The following TMEM132D variants were observed in gnomAD, a reference collection of about 807,000 sequenced individuals.
TMEM132D encodes the protein transmembrane protein 132D.
Under a neutral mutation model 62.3 loss-of-function variants are expected in TMEM132D, and 21 were observed. The observed-to-expected ratio is 0.34, with a 90% confidence interval of 0.24 to 0.49. The LOEUF (loss-of-function observed/expected upper bound fraction) is 0.49, where lower values mean the gene tolerates loss of function less well. Among genes scored for constraint, TMEM132D ranks in the 20% least tolerant of loss-of-function variants. The pLI, the probability that TMEM132D is intolerant of heterozygous loss-of-function variation, is 0.99. For synonymous variants in TMEM132D, 621 were observed against 575.6 expected (o/e 1.08, Z -1.13); for missense variants, 1,346 against 1,402.8 (o/e 0.96, Z 0.65).
intron 1 of TMEM132D, among the ~76,000 whole-genome samples, chr12:129,822,018 C>A (rs1872552206): frequency 6.6e-6 from 1 of 152,152 alleles, no homozygotes; most frequent in Admixed American, 6.5e-5. Flanking sequence ...CAGACGTGAT[C>A]TTTGTACTCA....
At chr12:129,102,233 G>A (rs1443034327) in intron 5 of TMEM132D, among the ~76,000 whole-genome samples, 4 of 152,292 alleles carry the variant, frequency 2.6e-5, no homozygotes, top group African/African-American at 7.2e-5. Flanking sequence ...TGAGTCTTGC[G>A]TACGCAGAGA....
intron 2 of TMEM132D, among the ~76,000 whole-genome samples, chr12:129,622,666 G>A (rs999632600): frequency 2.0e-5 from 3 of 152,194 alleles, no homozygotes; most frequent in Non-Finnish European, 1.5e-5. Context: ...TTTCTGCAGT[G>A]CAGACATGCT....
chr12:129,702,886 C>A (rs1046475166), intron 1 of TMEM132D, among the ~76,000 whole-genome samples: 2 of 152,218 alleles, frequency 1.3e-5, no homozygotes, highest in Non-Finnish European at 2.9e-5. Flanking sequence ...GGATGTTATT[C>A]ACTGTCCTCT....
chr12:129,773,253 G>A (rs1293050100), intron 1 of TMEM132D, among the ~76,000 whole-genome samples: 1 of 152,222 alleles, frequency 6.6e-6, no homozygotes, highest in South Asian at 2.1e-4. Flanking sequence ...CTTCAGGTGC[G>A]AGGGCGGCGG....
intron 1 of TMEM132D, chr12:129,852,776 T>A (rs930692750): frequency 2.0e-5 from 3 of 152,122 alleles, no homozygotes; most frequent in Non-Finnish European, 4.4e-5. Context: ...TACAAGGGAA[T>A]GCTTTATCAT....
intron 2 of TMEM132D, among the ~76,000 whole-genome samples, chr12:129,649,555 C>A (rs143939199): frequency 7.2e-5 from 11 of 152,214 alleles, no homozygotes; most frequent in African/African-American, 2.6e-4. Context: ...CCAGTAAATT[C>A]TTAACTCTCA....
intron 2 of TMEM132D, among the ~76,000 whole-genome samples, chr12:129,639,932 A>C (rs2137174018): frequency 6.6e-6 from 1 of 152,298 alleles, no homozygotes; most frequent in South Asian, 2.1e-4. Flanking sequence ...GTCCATAATA[A>C]AGAAAAGGTG....
At chr12:129,473,797 T>C (rs1874174851) in intron 3 of TMEM132D, among the ~76,000 whole-genome samples, 1 of 152,252 alleles carries the variant, frequency 6.6e-6, no homozygotes, top group African/African-American at 2.4e-5. Flanking sequence ...GAACTGAACC[T>C]GCAGTATCTC....
At chr12:129,781,078 T>C (rs1292382228) in intron 1 of TMEM132D, among the ~76,000 whole-genome samples, 2 of 152,250 alleles carry the variant, frequency 1.3e-5, no homozygotes, top group African/African-American at 4.8e-5. Context: ...CAAGGAGTTA[T>C]GCCATCAAAA....
Position 129,513,477 on chromosome 12 carries a change from A to G in TMEM132D, c.1115+17582T>C, listed in dbSNP as rs148307478. Among the ~76,000 whole-genome samples, 5 of 151,310 alleles carry G rather than the reference A, an allele frequency of 3.3e-5. No individual in the cohort carries two copies. The East Asian group carries it at 9.8e-4, about 30-fold the overall frequency. The stretch of plus-strand genomic sequence containing the variant: ...TTCACGTAGTGGGAAAAAAACAAAA[A>G]CAGGTTTGTTTGTTTGTTTGTTTTT... On this transcript the variant is annotated intron_variant, in intron 3 of 8. Coordinates refer to ENST00000422113, the MANE Select transcript of TMEM132D (RefSeq NM_133448.3).
intron 3 of TMEM132D, among the ~76,000 whole-genome samples, chr12:129,357,756 G>C (rs1190216915): frequency 2.0e-5 from 3 of 152,158 alleles, no homozygotes; most frequent in Non-Finnish European, 4.4e-5. Context: ...CTCCACTTTG[G>C]AAGAATTTTC....
intron 1 of TMEM132D, among the ~76,000 whole-genome samples, chr12:129,821,009 T>A (rs1872528564): frequency 1.3e-5 from 2 of 152,222 alleles, no homozygotes; most frequent in Admixed American, 1.3e-4. Flanking sequence ...CTCAACCACC[T>A]CTCTTCATTT....
chr12:129,532,532 A>C (rs1166293226), intron 2 of TMEM132D, among the ~76,000 whole-genome samples: 5 of 152,148 alleles, frequency 3.3e-5, no homozygotes, highest in Non-Finnish European at 7.4e-5. Flanking sequence ...ACAATTTTAA[A>C]ATGTAGTGTG....
At chr12:129,473,318 GTTTTTGTTTT>G (rs1183802180) in intron 3 of TMEM132D, among the ~76,000 whole-genome samples, 26 of 57,758 alleles carry the variant, frequency 4.5e-4, no homozygotes, top group Non-Finnish European at 7.4e-4. Flanking sequence ...AGTGATTTTA[GTTTTTGTTTT>G]TTTTTTTTTT....
At chr12:129,440,172 A>T (rs1872901023) in intron 3 of TMEM132D, among the ~76,000 whole-genome samples, 1 of 152,248 alleles carries the variant, frequency 6.6e-6, no homozygotes, top group Non-Finnish European at 1.5e-5. Flanking sequence ...ACAGGAAACA[A>T]AATGCTCCTG....
chr12:129,129,538 T>C (rs1188779313), intron 5 of TMEM132D, among the ~76,000 whole-genome samples: 1 of 152,250 alleles, frequency 6.6e-6, no homozygotes, highest in Non-Finnish European at 1.5e-5. Context: ...ATGGTAGTTC[T>C]GGGTTAAGTT....
chr12:129,252,992 T>C (rs180866727), intron 4 of TMEM132D, among the ~76,000 whole-genome samples: 1 of 130,266 alleles, frequency 7.7e-6, no homozygotes, highest in African/African-American at 3.0e-5. Flanking sequence ...AATTGAACAA[T>C]GATAACACAT....
chr12:129,648,718 C>A (rs1879850436), intron 2 of TMEM132D, among the ~76,000 whole-genome samples: 1 of 152,136 alleles, frequency 6.6e-6, no homozygotes, highest in South Asian at 2.1e-4. Context: ...AAAGTGGTGC[C>A]TAAACCACAG....
At chr12:129,788,631 A>T (rs1871309627) in intron 1 of TMEM132D, among the ~76,000 whole-genome samples, 1 of 152,202 alleles carries the variant, frequency 6.6e-6, no homozygotes, top group Non-Finnish European at 1.5e-5. Context: ...TATTTCAGGG[A>T]GGGAGAAATG....
Sources: allele counts gnomAD v4.1 joint callset (sites outside exome capture counted in the v4.1 genomes callset), GRCh38; gene constraint gnomAD v4.1.1; transcripts MANE v1.5; gene names NCBI Gene and HGNC (gene_info 2026-07-23, HGNC 2026-07-21).